The following TRAF3IP1 variants were observed in gnomAD, a reference collection of about 807,000 sequenced individuals.
The protein encoded by TRAF3IP1 is TRAF3-interacting protein 1.
Under a neutral mutation model 89.9 loss-of-function variants are expected in TRAF3IP1, and 53 were observed. The ratio of observed to expected loss-of-function variants is 0.59; its 90% CI spans 0.47 to 0.74. The LOEUF (loss-of-function observed/expected upper bound fraction) is 0.74. TRAF3IP1 is among the 30% of genes least tolerant of loss of function. TRAF3IP1 has a pLI of 0.00. For missense variants in TRAF3IP1, 806 were observed against 866.1 expected (o/e 0.93, Z 0.87); for synonymous variants, 311 against 322.1 (o/e 0.97, Z 0.37).
rs371593897 is a variant in TRAF3IP1 at position 238,329,207 on chromosome 2, G to A, written c.780G>A (p.Glu260=). 2 of 1,566,554 alleles carry A rather than the reference G, an allele frequency of 1.3e-6. No homozygotes were observed. Among genetic ancestry groups the A allele is most frequent in the African/African-American group, 1.4e-5 (1 of 72,622 alleles). ...AGAGTGAGGGGGGGAAAGAGAAGGA[G>A]AGACTGAGAGACAGGGACCGAGAGC... ...ERKSEGGKEK[E]RLRDRDRERD... Residue 260 remains glutamate (E), a synonymous_variant, in exon 5 of 17, where the codon GAG becomes GAA. Coordinates refer to ENST00000373327, the MANE Select transcript of TRAF3IP1 (RefSeq NM_015650.4).
chr2:238,347,318 A>G (rs761307900), intron 9 of TRAF3IP1, 137 bp from the exon 10 acceptor site: 2 of 855,132 alleles, frequency 2.3e-6, no homozygotes, highest in African/African-American at 1.7e-5. Context: ...AAAAGCGGCT[A>G]TGAGGAAATG....
intron 1 of TRAF3IP1, among the ~76,000 whole-genome samples, chr2:238,322,300 G>A (rs953081089): frequency 1.3e-5 from 2 of 152,216 alleles, no homozygotes; most frequent in Non-Finnish European, 2.9e-5. Context: ...TGCAGGGAGT[G>A]TGCCTTATCC....
chr2:238,340,105 GAGA>G (rs1343891181), intron 8 of TRAF3IP1, among the ~76,000 whole-genome samples: 1 of 152,134 alleles, frequency 6.6e-6, no homozygotes, highest in Non-Finnish European at 1.5e-5. Flanking sequence ...GGGCTCTGGA[GAGA>G]CTCCCGGTCC....
At chr2:238,349,527 G>C (rs1367796971) in intron 12 of TRAF3IP1, 119 bp downstream of exon 12, 2 of 1,018,438 alleles carry the variant, frequency 2.0e-6, no homozygotes, top group African/African-American at 3.2e-5. Context: ...TGCTATTGAG[G>C]AACAAAAAGT....
At chr2:238,348,317 A>T (rs939770685) in intron 10 of TRAF3IP1, among the ~76,000 whole-genome samples, 3 of 152,172 alleles carry the variant, frequency 2.0e-5, no homozygotes, top group African/African-American at 7.2e-5. Flanking sequence ...TAATTGTTAG[A>T]TATATTACTG....
At position 238,320,727 on chromosome 2, in the gene TRAF3IP1, T is replaced by C; in HGVS notation, c.65T>C (p.Leu22Pro). 1 of 1,451,598 alleles carries C rather than the reference T, an allele frequency of 6.9e-7. No homozygotes were observed. The highest frequency in any genetic ancestry group is 9.2e-7 in the Non-Finnish European group (1 of 1,091,432). The allele number at this position is 1,451,598 out of a possible 1,614,324, so 89.9% of individuals were successfully genotyped here. The change falls in exon 1 of 17, where the codon CTG (leucine) becomes CCG (proline). Residue 22 changes from leucine to proline, a missense_variant. Around this residue, in one of 3 missense-constraint regions of TRAF3IP1, gnomAD observed 732 missense variants for 780.5 expected, o/e 0.94. Transcript: ENST00000373327. The part of the protein sequence containing the change: ...ALGKVIRRPP[L>P]TEKLLSKPPF... Reference sequence around the variant, plus strand: ...GGGAAAGTGATTCGGAGGCCGCCGCTGACCGAGAAGCTGCTGAGCAAGCCC... The same window carrying C: ...GGGAAAGTGATTCGGAGGCCGCCGCCGACCGAGAAGCTGCTGAGCAAGCCC...
chr2:238,385,361 G>T (rs1168738731), intron 15 of TRAF3IP1, among the ~76,000 whole-genome samples: 1 of 152,148 alleles, frequency 6.6e-6, no homozygotes. Flanking sequence ...ATTTAACCAA[G>T]AAATTATTCC....
intron 15 of TRAF3IP1, among the ~76,000 whole-genome samples, chr2:238,371,215 A>G (rs1289965542): frequency 6.6e-6 from 1 of 152,206 alleles, no homozygotes; most frequent in Non-Finnish European, 1.5e-5. Context: ...AAGGGCTTTC[A>G]TGTGCCAGGT....
chr2:238,359,258 A>G (rs569429724), intron 15 of TRAF3IP1, among the ~76,000 whole-genome samples: 1 of 152,292 alleles, frequency 6.6e-6, no homozygotes, highest in Non-Finnish European at 1.5e-5. Context: ...ATCTGTTTCC[A>G]AACATCCATG....
intron 15 of TRAF3IP1, among the ~76,000 whole-genome samples, chr2:238,388,374 CA>C (rs71043134): frequency 9.2e-4 from 94 of 101,630 alleles, no homozygotes; most frequent in South Asian, 1.1e-3. Context: ...GACCCTGTCT[CA>C]AAAAAAAAAA....
chr2:238,369,633 G>C (rs1262380427), intron 15 of TRAF3IP1, among the ~76,000 whole-genome samples: 1 of 152,152 alleles, frequency 6.6e-6, no homozygotes, highest in Non-Finnish European at 1.5e-5. Flanking sequence ...TGCTGCCTTT[G>C]CTGCGTCTTG....
intron 16 of TRAF3IP1, among the ~76,000 whole-genome samples, chr2:238,398,332 G>A (rs1255110611): frequency 2.1e-5 from 3 of 140,686 alleles, no homozygotes; most frequent in Non-Finnish European, 4.7e-5. Flanking sequence ...AACAGGTTGG[G>A]GTGGGGCAGG....
At chr2:238,387,035 G>A (rs1700801281) in intron 15 of TRAF3IP1, among the ~76,000 whole-genome samples, 1 of 152,172 alleles carries the variant, frequency 6.6e-6, no homozygotes. Context: ...CCATGACTAA[G>A]GAATTGCATG....
At chr2:238,357,970 G>T (rs1699494314) in intron 15 of TRAF3IP1, among the ~76,000 whole-genome samples, 1 of 152,138 alleles carries the variant, frequency 6.6e-6, no homozygotes, top group Non-Finnish European at 1.5e-5. Flanking sequence ...GAAAAAGAGT[G>T]GTCAGTGAGA....
At chr2:238,344,962 T>A (rs755375194) in intron 9 of TRAF3IP1, among the ~76,000 whole-genome samples, 1 of 152,158 alleles carries the variant, frequency 6.6e-6, no homozygotes, top group Non-Finnish European at 1.5e-5. Flanking sequence ...GTGGCCACCA[T>A]GATTTTTCTG....
At chr2:238,337,822 T>C (rs186174919) in intron 7 of TRAF3IP1, among the ~76,000 whole-genome samples, 7 of 152,260 alleles carry the variant, frequency 4.6e-5, no homozygotes, top group Admixed American at 2.6e-4. Flanking sequence ...GAATTCTGTG[T>C]TGGACAACAA....
chr2:238,320,898 G>A lies in TRAF3IP1; in HGVS notation c.123+113G>A, dbSNP rs1388711739. 3.1e-6 allele frequency: 3 copies of A among 966,442 alleles called. No individual in the cohort carries two copies. In the South Asian group the frequency reaches 1.4e-4, roughly 45 times the overall value. The allele number at this position is 966,442 out of a possible 1,614,324, so 59.9% of individuals were successfully genotyped here. A position where few individuals can be genotyped will look rare whatever the true frequency, so the allele number is the denominator to read the frequency against. On this transcript the variant is annotated intron_variant, in intron 1 of 16. Coordinates refer to ENST00000373327, the MANE Select transcript of TRAF3IP1 (RefSeq NM_015650.4). ...GCGAGCCGGGCTCGGGCTCAGGTGC[G>A]GGTCGGGGGCCGGGGCTGGGCCGGA...
intron 1 of TRAF3IP1, among the ~76,000 whole-genome samples, chr2:238,321,565 T>A (rs1697548348): frequency 6.6e-6 from 1 of 152,192 alleles, no homozygotes; most frequent in African/African-American, 2.4e-5. Flanking sequence ...TGCTCCTCCG[T>A]GACGGAGACC....
chr2:238,329,073 G>A lies in TRAF3IP1; in HGVS notation c.646G>A (p.Glu216Lys), dbSNP rs759331602. 3.9e-6 allele frequency: 6 copies of A among 1,546,906 alleles called. No individual in the cohort carries two copies. The highest frequency in any genetic ancestry group is 1.2e-5 in the South Asian group (1 of 83,280). ...TGGCGGAAACAGACACAGAGAAGGG[G>A]AGAGAGAGAGAGCCAAAGCCCGGGC... ...ENGGNRHREG[E>K]RERAKARARP... Residue 216 changes from glutamate to lysine, a missense_variant, in exon 5 of 17, where the codon GAG (glutamate) becomes AAG (lysine). By Grantham distance (56) the Glu-to-Lys change is moderately conservative (BLOSUM62 1). Coordinates refer to ENST00000373327, the MANE Select transcript of TRAF3IP1 (RefSeq NM_015650.4).
Sources: allele counts gnomAD v4.1 joint callset (sites outside exome capture counted in the v4.1 genomes callset), GRCh38; gene constraint gnomAD v4.1.1; regional missense constraint gnomAD v4.1.1; transcripts MANE v1.5; gene names NCBI Gene and HGNC (gene_info 2026-07-23, HGNC 2026-07-21).